GAPVD1: variants seen among roughly 807,000 people sequenced by gnomAD.
GAPVD1 encodes the protein GTPase-activating protein and VPS9 domain-containing protein 1.
Under a neutral mutation model 155.5 loss-of-function variants are expected in GAPVD1, and 35 were observed. The ratio of observed to expected loss-of-function variants is 0.23; its 90% CI spans 0.17 to 0.30. The LOEUF is 0.30. Ranked by LOEUF, GAPVD1 falls within the 10% of genes least tolerant of loss-of-function variation. The pLI is 1.00. For synonymous variants in GAPVD1, 636 were observed against 619.7 expected, an observed-to-expected ratio of 1.03 and a Z score of -0.39; for missense variants, 1,429 against 1,775.7, an observed-to-expected ratio of 0.80 and a Z score of 3.51.
At chr9:125,272,175 C>CA (rs1835025450) in intron 2 of GAPVD1, among the ~76,000 whole-genome samples, 1 of 152,120 alleles carries the variant, frequency 6.6e-6, no homozygotes, top group South Asian at 2.1e-4. Context: ...AGGCGCCTGC[C>CA]ACCCTGCCTG....
intron 20 of GAPVD1, among the ~76,000 whole-genome samples, chr9:125,348,347 ATATATTTAT>A (rs1432586830): frequency 6.6e-6 from 1 of 151,982 alleles, no homozygotes; most frequent in East Asian, 1.9e-4. Context: ...TATGAACACA[ATATATTTAT>A]TATATTTATA....
chr9:125,281,571 A>C (rs984272969), intron 2 of GAPVD1, among the ~76,000 whole-genome samples: 8 of 152,194 alleles, frequency 5.3e-5, no homozygotes, highest in African/African-American at 1.9e-4. Flanking sequence ...CATTTGTTTC[A>C]ATTATGACAG....
rs559202205 is a variant in GAPVD1, at chr9:125,312,875, C to CAAT, written c.1602+265_1602+267dup. ...CACTCTTGTTGCCCAGGCTGGAGTG[C>CAAT]AATAGCACGATCTCAGCTCACTGCA... On this transcript the variant is annotated intron_variant, in intron 9 of 27. Coordinates refer to ENST00000297933, the MANE Select transcript of GAPVD1 (RefSeq NM_001282680.3). Among the ~76,000 whole-genome samples, 22 of 152,212 alleles carry CAAT rather than the reference C, an allele frequency of 1.4e-4. No homozygotes were observed. The East Asian group carries it at 3.9e-3, about 27-fold the overall frequency.
At chr9:125,293,844 AATATATTTTATATATAT>A (rs1839152159) in intron 2 of GAPVD1, among the ~76,000 whole-genome samples, 2 of 69,146 alleles carry the variant, frequency 2.9e-5, no homozygotes, top group Non-Finnish European at 4.9e-5. Flanking sequence ...TATATATAAA[AATATATTTTATATATAT>A]ATATATATAT....
At chr9:125,295,944 A>G (rs1183058264) in intron 3 of GAPVD1, among the ~76,000 whole-genome samples, 1 of 152,170 alleles carries the variant, frequency 6.6e-6, no homozygotes, top group African/African-American at 2.4e-5. Context: ...GTTCAATTAC[A>G]TTGAATTAAG....
chr9:125,265,860 G>A (rs1833850375), intron 1 of GAPVD1, among the ~76,000 whole-genome samples: 1 of 145,592 alleles, frequency 6.9e-6, no homozygotes, highest in Non-Finnish European at 1.5e-5. Flanking sequence ...TTGAACCCGG[G>A]AGTTCAAGAC....
In GAPVD1 at chr9:125,304,753, A is replaced by G. The variant is rs1015265137; in HGVS notation, c.1030-310A>G. Among the ~76,000 whole-genome samples, 12 of 152,364 alleles carry G rather than the reference A, an allele frequency of 7.9e-5. No individual in the cohort carries two copies. In the South Asian group the frequency reaches 2.5e-3, roughly 32 times the overall value. ...TTTACAAATTAATTTAAAAAGCTCT[A>G]AACAAATGAAAAGTACAATGTCAGA... is the stretch of plus-strand genomic sequence containing the variant. On this transcript the variant is annotated intron_variant, in intron 5 of 27. Transcript: ENST00000297933.
At chr9:125,348,748 GT>G (rs1463576009) in intron 20 of GAPVD1, among the ~76,000 whole-genome samples, 1 of 152,176 alleles carries the variant, frequency 6.6e-6, no homozygotes, top group Admixed American at 6.5e-5. Flanking sequence ...CTGACCTCAT[GT>G]GATCCACCCA....
chr9:125,301,651 T>C (rs996027585), intron 4 of GAPVD1, among the ~76,000 whole-genome samples: 7 of 152,042 alleles, frequency 4.6e-5, no homozygotes, highest in African/African-American at 1.2e-4. Context: ...AGTTTCGCCG[T>C]GTTGGCCAGG....
intron 2 of GAPVD1, among the ~76,000 whole-genome samples, chr9:125,283,122 TGATCTTG>T (rs1217147992): frequency 6.6e-6 from 1 of 151,314 alleles, no homozygotes; most frequent in Non-Finnish European, 1.5e-5. Flanking sequence ...TGCAATGGCG[TGATCTTG>T]GCTCACCACA....
chr9:125,354,178 C>T (rs1849718996), intron 23 of GAPVD1, among the ~76,000 whole-genome samples: 1 of 152,062 alleles, frequency 6.6e-6, no homozygotes, highest in Non-Finnish European at 1.5e-5. Flanking sequence ...GGCTTCAAGG[C>T]TTAGGGAATG....
intron 9 of GAPVD1, among the ~76,000 whole-genome samples, chr9:125,319,773 G>A (rs1259596635): frequency 2.0e-5 from 3 of 151,806 alleles, no homozygotes; most frequent in Admixed American, 2.0e-4. Context: ...GGTTGATTTT[G>A]TATTTTTAGT....
chr9:125,297,817 C>G (rs1002962127), intron 3 of GAPVD1, among the ~76,000 whole-genome samples: 3 of 152,104 alleles, frequency 2.0e-5, no homozygotes, highest in Admixed American at 2.0e-4. Context: ...ATGATCTCAC[C>G]TCACTGCAAC....
intron 12 of GAPVD1, among the ~76,000 whole-genome samples, chr9:125,329,781 C>T (rs372817575): frequency 3.3e-5 from 5 of 152,018 alleles, no homozygotes; most frequent in African/African-American, 1.2e-4. Context: ...ACCTCTGCCT[C>T]CCGGGTTCTT....
intron 2 of GAPVD1, among the ~76,000 whole-genome samples, chr9:125,284,456 G>A (rs1837311005): frequency 1.3e-5 from 2 of 151,756 alleles, no homozygotes; most frequent in South Asian, 4.1e-4. Context: ...GGGATTACAG[G>A]CGTGAGCCAC....
At chr9:125,292,293 A>G (rs1237994552) in intron 2 of GAPVD1, among the ~76,000 whole-genome samples, 1 of 152,042 alleles carries the variant, frequency 6.6e-6, no homozygotes, top group African/African-American at 2.4e-5. Context: ...CTGTTTAGAG[A>G]TTTGGTTTTG....
chr9:125,341,084 C>T, intron 17 of GAPVD1, 93 bp from the exon 18 acceptor site: 1 of 782,034 alleles, frequency 1.3e-6, no homozygotes, highest in South Asian at 1.4e-5. Context: ...GATCCTATCT[C>T]AAAACAAAAC....
chr9:125,303,504 C>T (rs1316489356), intron 5 of GAPVD1, among the ~76,000 whole-genome samples: 5 of 148,004 alleles, frequency 3.4e-5, no homozygotes, highest in African/African-American at 5.0e-5. Flanking sequence ...TGGCCGGGTG[C>T]GGTGGCTTAC....
chr9:125,293,861 T>TAAAA (rs1839211132), intron 2 of GAPVD1, among the ~76,000 whole-genome samples: 1 of 10,838 alleles, frequency 9.2e-5, no homozygotes, highest in South Asian at 3.2e-3. Flanking sequence ...TTTATATATA[T>TAAAA]ATATATATAT....
Sources: allele counts gnomAD v4.1 joint callset (sites outside exome capture counted in the v4.1 genomes callset), GRCh38; gene constraint gnomAD v4.1.1; transcripts MANE v1.5; gene names NCBI Gene and HGNC (gene_info 2026-07-23, HGNC 2026-07-21).